Variants in KLHL12 observed in about 807,000 individuals in gnomAD.
The protein encoded by KLHL12 is kelch-like protein 12.
In KLHL12, 17 loss-of-function variants were observed where a neutral mutation model predicts 60.8. That is an observed-to-expected ratio of 0.28 (90% CI 0.19 to 0.42). KLHL12 has a LOEUF of 0.42. Among genes scored for constraint, KLHL12 ranks in the 10% least tolerant of loss-of-function variants. KLHL12 has a pLI of 1.00. For synonymous variants in KLHL12, 220 were observed against 250.9 expected (o/e 0.88, Z 1.16); for missense variants, 468 against 722.3 (o/e 0.65, Z 4.04).
chr1:202,927,548 C>T (rs1043264353), upstream of KLHL12, among the ~76,000 whole-genome samples: 1 of 71,596 alleles, frequency 1.4e-5, no homozygotes, highest in Non-Finnish European at 3.3e-5. Flanking sequence ...AAAATTAGCC[C>T]GCACCGCGCC....
chr1:202,902,810 C>A (rs1278893048), intron 6 of KLHL12, among the ~76,000 whole-genome samples: 2 of 151,980 alleles, frequency 1.3e-5, no homozygotes, highest in Non-Finnish European at 2.9e-5. Flanking sequence ...AGCAGCATGG[C>A]AAAACCCTGT....
chr1:202,894,180 T>C lies in KLHL12; in HGVS notation c.1393+4A>G. 6.5e-7 allele frequency: 1 copy of C among 1,527,718 alleles called. No homozygotes were observed. Among genetic ancestry groups the C allele is most frequent in the Non-Finnish European group, 8.9e-7 (1 of 1,124,522 alleles). 94.6% of individuals were successfully genotyped at this position (1,527,718 alleles called of 1,614,324 possible). On this transcript the variant is annotated splice_donor_region_variant and intron_variant, in intron 10 of 11. Transcript: ENST00000367261. ...ATTGTCCCCTCCCTCAGATCTGGTC[T>C]TACCAGAACGCTTGGTGGCCATTGG... is the stretch of plus-strand genomic sequence containing the variant.
intron 2 of KLHL12, among the ~76,000 whole-genome samples, chr1:202,920,835 A>G (rs1660674388): frequency 6.6e-6 from 1 of 152,190 alleles, no homozygotes; most frequent in Non-Finnish European, 1.5e-5. Flanking sequence ...TCATATTAAA[A>G]TACAGATGTA....
chr1:202,895,470 C>T lies in KLHL12; in HGVS notation c.1135+52G>A, dbSNP rs527925216. 1 of 1,521,452 alleles carries T rather than the reference C, an allele frequency of 6.6e-7. No individual in the cohort carries two copies. The highest frequency in any genetic ancestry group is 9.0e-7 in the Non-Finnish European group (1 of 1,115,948). 94.2% of individuals were successfully genotyped at this position (1,521,452 alleles called of 1,614,324 possible). ...CCAGACAACAGGAGAGGTTAAAAACCCTGGTCCAGCCACAGTAAGATGGAA... is the reference window on the plus strand; with the variant it reads ...CCAGACAACAGGAGAGGTTAAAAACTCTGGTCCAGCCACAGTAAGATGGAA... On this transcript the variant is annotated intron_variant, in intron 8 of 11. Coordinates refer to ENST00000367261, the MANE Select transcript of KLHL12 (RefSeq NM_021633.4). The surrounding 1 kb of genome is among the most constrained non-coding windows in gnomAD (Gnocchi z 4.2).
intron 6 of KLHL12, among the ~76,000 whole-genome samples, chr1:202,907,803 G>A (rs1052107686): frequency 2.0e-5 from 3 of 151,762 alleles, no homozygotes; most frequent in African/African-American, 7.3e-5. Flanking sequence ...AGCTACTTGG[G>A]AGGCTGAGGT....
At position 202,892,445 on chromosome 1, in the gene KLHL12, G is replaced by C; in HGVS notation, c.*88C>G. 1 of 1,485,534 alleles carries C rather than the reference G, an allele frequency of 6.7e-7. No homozygotes were observed. Among genetic ancestry groups the C allele is most frequent in the Non-Finnish European group, 9.3e-7 (1 of 1,079,146 alleles). 92.0% of individuals were successfully genotyped at this position (1,485,534 alleles called of 1,614,324 possible). On this transcript the variant is annotated 3_prime_UTR_variant, in exon 12 of 12. Coordinates refer to ENST00000367261, the MANE Select transcript of KLHL12 (RefSeq NM_021633.4). The stretch of plus-strand genomic sequence containing the variant: ...TGTAATCACCCGGTGCACATAGTGA[G>C]AAACAGACATTCTGGAAAGGATTTT...
At chr1:202,913,719 T>C (rs568992510) in intron 4 of KLHL12, among the ~76,000 whole-genome samples, 3 of 152,198 alleles carry the variant, frequency 2.0e-5, no homozygotes, top group African/African-American at 7.2e-5. Context: ...CAAATTGAAA[T>C]CTGATGGATG....
At chr1:202,917,919 C>T (rs1191543356) in intron 4 of KLHL12, among the ~76,000 whole-genome samples, 6 of 152,154 alleles carry the variant, frequency 3.9e-5, no homozygotes, top group African/African-American at 1.4e-4. Flanking sequence ...ACTTTACTTC[C>T]AATTTCTGCT....
chr1:202,920,212 G>T (rs537263927), intron 2 of KLHL12, among the ~76,000 whole-genome samples: 2 of 151,796 alleles, frequency 1.3e-5, no homozygotes, highest in African/African-American at 4.8e-5. Flanking sequence ...TACTCAGGAG[G>T]CTGAGGCAGG....
chr1:202,914,070 T>C (rs545329656), intron 4 of KLHL12, among the ~76,000 whole-genome samples: 5 of 152,104 alleles, frequency 3.3e-5, no homozygotes, highest in Non-Finnish European at 7.4e-5. Flanking sequence ...ATGAGGGTGA[T>C]AGAGGAGTAA....
chr1:202,918,267 A>G lies in KLHL12; in HGVS notation c.471T>C (p.Phe157=), dbSNP rs1377664989. Residue 157 remains phenylalanine, a synonymous_variant, in exon 4 of 12, where the codon TTT becomes TTC. Coordinates refer to ENST00000367261, the MANE Select transcript of KLHL12 (RefSeq NM_021633.4). The part of the protein sequence containing the change: ...CVDLMQAAEV[F]SQKHFPEVVQ... The stretch of plus-strand genomic sequence containing the variant: ...CCACTTCAGGAAAATGCTTCTGGCT[A>G]AAAACCTCAGCTGCTTGCATCAGGT... 1 of 1,614,146 alleles carries G rather than the reference A, an allele frequency of 6.2e-7. No individual in the cohort carries two copies. The highest frequency in any genetic ancestry group is 1.3e-5 in the African/African-American group (1 of 75,042).
chr1:202,927,016 G>A (rs562228567), intron 1 of KLHL12, 73 bp downstream of exon 1: 171 of 963,304 alleles, frequency 1.8e-4, no homozygotes, highest in Admixed American at 4.3e-4. Flanking sequence ...CCAAGGATGG[G>A]GGGTAGGGCC....
upstream of KLHL12, among the ~76,000 whole-genome samples, chr1:202,927,674 T>TAAAAAAA (rs748842460): frequency 5.3e-5 from 4 of 75,432 alleles, no homozygotes; most frequent in Non-Finnish European, 9.5e-5. Context: ...TGAGACCCTG[T>TAAAAAAA]AAAAAAAAAA....
At chr1:202,896,179 G>A (rs1403686560) in intron 7 of KLHL12, among the ~76,000 whole-genome samples, 1 of 152,082 alleles carries the variant, frequency 6.6e-6, no homozygotes, top group African/African-American at 2.4e-5. Flanking sequence ...GACATGCTGA[G>A]GGAGACAGAT....
chr1:202,910,060 G>A (rs1029810939), intron 5 of KLHL12, among the ~76,000 whole-genome samples: 1 of 152,136 alleles, frequency 6.6e-6, no homozygotes, highest in African/African-American at 2.4e-5. Context: ...AGTCGAACTG[G>A]AAAGGAAAAC....
intron 4 of KLHL12, among the ~76,000 whole-genome samples, chr1:202,917,879 G>A (rs566972127): frequency 2.0e-5 from 3 of 152,266 alleles, no homozygotes; most frequent in Admixed American, 6.5e-5. Context: ...ATGAGTGAAC[G>A]GGTAATAGAG....
At chr1:202,927,262 C>G, upstream of KLHL12, 1 of 982,592 alleles carries the variant, frequency 1.0e-6, no homozygotes, top group African/African-American at 1.8e-5. Flanking sequence ...GACGTGATGA[C>G]GCAATGCAGC....
upstream of KLHL12, among the ~76,000 whole-genome samples, chr1:202,927,949 C>T (rs886558471): frequency 1.5e-5 from 2 of 136,530 alleles, no homozygotes; most frequent in African/African-American, 5.5e-5. Flanking sequence ...CATTGCACTC[C>T]GGGCTGGGCG....
chr1:202,905,576 T>C (rs1660156325), intron 6 of KLHL12, among the ~76,000 whole-genome samples: 1 of 152,202 alleles, frequency 6.6e-6, no homozygotes, highest in Non-Finnish European at 1.5e-5. Context: ...TGGTATAGGT[T>C]GAGTAACCCT....
Sources: allele counts gnomAD v4.1 joint callset (sites outside exome capture counted in the v4.1 genomes callset), GRCh38; gene constraint gnomAD v4.1.1; non-coding constraint Gnocchi (gnomAD v3.1); transcripts MANE v1.5; gene names NCBI Gene and HGNC (gene_info 2026-07-23, HGNC 2026-07-21).